The following FREM3 variants were observed in gnomAD, a reference collection of about 807,000 sequenced individuals.
FREM3 encodes FRAS1-related extracellular matrix protein 3.
In FREM3, 105 loss-of-function variants were observed where a neutral mutation model predicts 129.1. The ratio of observed to expected loss-of-function variants is 0.81; its 90% CI spans 0.69 to 0.96. The LOEUF is 0.96. Ranked by LOEUF, FREM3 falls within the 40% of genes least tolerant of loss-of-function variation. The pLI is 0.00. For missense variants in FREM3, 2,593 were observed against 2,666.3 expected (o/e 0.97, Z 0.61); for synonymous variants, 1,014 against 1,044.9 (o/e 0.97, Z 0.57).
intron 2 of FREM3, among the ~76,000 whole-genome samples, chr4:143,675,169 A>G (rs1034008064): frequency 1.3e-5 from 2 of 152,230 alleles, no homozygotes; most frequent in African/African-American, 2.4e-5. Flanking sequence ...ATATAAAAGA[A>G]CAGAAATTAT....
In FREM3 at chr4:143,695,567, T is replaced by A; in HGVS notation, c.5109A>T (p.Lys1703Asn). ...QDSPHRLLKY[K>N]VTRGPEHGFI... ...AGCCATGCTCTGGTCCTCTGGTCAC[T>A]TTATACTTCAGAAGCCTGTGGGGAC... Residue 1703 changes from lysine (K) to asparagine (N), a missense_variant, in exon 1 of 8, where the codon AAA becomes AAT. Transcript: ENST00000329798. The A allele has an allele frequency of 6.5e-7, 1 of 1,537,370 alleles. No homozygotes were observed. Among genetic ancestry groups the A allele is most frequent in the Non-Finnish European group, 8.7e-7 (1 of 1,146,934 alleles).
intron 2 of FREM3, among the ~76,000 whole-genome samples, chr4:143,656,310 A>G (rs1739599927): frequency 6.6e-6 from 1 of 152,242 alleles, no homozygotes; most frequent in Admixed American, 6.5e-5. Flanking sequence ...TGGACACTCA[A>G]GAGAAATTCC....
At chr4:143,687,952 C>T (rs1395370411) in intron 2 of FREM3, among the ~76,000 whole-genome samples, 6 of 152,112 alleles carry the variant, frequency 3.9e-5, no homozygotes, top group African/African-American at 1.2e-4. Flanking sequence ...AGAACTGGAA[C>T]AAGACAAGGA....
At chr4:143,640,572 A>G (rs1219788791) in intron 2 of FREM3, among the ~76,000 whole-genome samples, 1 of 152,222 alleles carries the variant, frequency 6.6e-6, no homozygotes, top group African/African-American at 2.4e-5. Flanking sequence ...CAGGAGGTTG[A>G]GGCAGGAGAA....
At chr4:143,680,540 ATTCT>A (rs1358004549) in intron 2 of FREM3, among the ~76,000 whole-genome samples, 2 of 152,050 alleles carry the variant, frequency 1.3e-5, no homozygotes, top group Non-Finnish European at 2.9e-5. Flanking sequence ...TGCTTCTTGA[ATTCT>A]TTATCTGCTA....
Position 143,699,138 on chromosome 4 carries a change from T to G in FREM3, c.1538A>C (p.Tyr513Ser). ...VVYQHDGSNT[Y>S]SDNIIFRMED... Reference sequence around the variant, plus strand: ...CATCCGGAAGATGATATTGTCACTGTAGGTGTTGCTGCCATCATGCTGATA... The same window carrying G: ...CATCCGGAAGATGATATTGTCACTGGAGGTGTTGCTGCCATCATGCTGATA... Residue 513 changes from tyrosine (Y) to serine (S), a missense_variant, in exon 1 of 8, where the codon TAC (tyrosine) becomes TCC (serine). Tyr to Ser is a moderately radical substitution (Grantham distance 144). Transcript: ENST00000329798. This position sits in a 1 kb window ranked among gnomAD's most constrained non-coding sequence, Gnocchi z 4.2. 1 of 1,537,406 alleles carries G rather than the reference T, an allele frequency of 6.5e-7. No individual in the cohort carries two copies. Among genetic ancestry groups the G allele is most frequent in the African/African-American group, 1.4e-5 (1 of 73,148 alleles).
intron 2 of FREM3, among the ~76,000 whole-genome samples, chr4:143,647,646 C>A (rs986505803): frequency 1.1e-4 from 17 of 152,280 alleles, no homozygotes; most frequent in African/African-American, 3.8e-4. Context: ...AAGCCCTAAG[C>A]CTTGGTGGCT....
intron 2 of FREM3, among the ~76,000 whole-genome samples, chr4:143,641,648 A>G (rs1020742231): frequency 6.6e-6 from 1 of 152,220 alleles, no homozygotes; most frequent in Non-Finnish European, 1.5e-5. Flanking sequence ...GCCAACACTT[A>G]TCAGGCTAAG....
chr4:143,623,192 G>A (rs1738984628), intron 4 of FREM3, among the ~76,000 whole-genome samples: 1 of 152,202 alleles, frequency 6.6e-6, no homozygotes, highest in South Asian at 2.1e-4. Context: ...TTATAGGAGA[G>A]TTTCTCAGAA....
At chr4:143,659,985 C>T (rs1429776556) in intron 2 of FREM3, among the ~76,000 whole-genome samples, 2 of 149,804 alleles carry the variant, frequency 1.3e-5, no homozygotes, top group African/African-American at 2.5e-5. Flanking sequence ...GATATTAGCC[C>T]TTTGTCAGAT....
chr4:143,685,781 G>T (rs189205916), intron 2 of FREM3, among the ~76,000 whole-genome samples: 18 of 151,982 alleles, frequency 1.2e-4, no homozygotes, highest in African/African-American at 4.3e-4. Flanking sequence ...AACACAGCAT[G>T]TTCTCACTCA....
At chr4:143,607,497 T>A (rs1738687803) in intron 6 of FREM3, among the ~76,000 whole-genome samples, 1 of 152,166 alleles carries the variant, frequency 6.6e-6, no homozygotes, top group African/African-American at 2.4e-5. Flanking sequence ...TTCACAGTGT[T>A]ACTAGAAGAG....
chr4:143,663,904 C>G (rs1011452923), intron 2 of FREM3, among the ~76,000 whole-genome samples: 2 of 152,118 alleles, frequency 1.3e-5, no homozygotes, highest in African/African-American at 2.4e-5. Context: ...GCATTCTTCA[C>G]GTAGTTCTCG....
intron 2 of FREM3, among the ~76,000 whole-genome samples, chr4:143,645,830 C>T (rs141283672): frequency 2.8e-4 from 42 of 152,218 alleles, no homozygotes; most frequent in African/African-American, 7.9e-4. Flanking sequence ...TGATATTCAC[C>T]GCTTGCCTTT....
chr4:143,673,498 C>T (rs918142767), intron 2 of FREM3, among the ~76,000 whole-genome samples: 1 of 152,170 alleles, frequency 6.6e-6, no homozygotes, highest in African/African-American at 2.4e-5. Context: ...GTCAGTCTGC[C>T]CCTACTGGGG....
intron 2 of FREM3, among the ~76,000 whole-genome samples, chr4:143,674,184 C>CACCCATCTTCTGCAGAAACT (rs1289428199): frequency 6.6e-6 from 1 of 151,744 alleles, no homozygotes; most frequent in East Asian, 1.9e-4. Context: ...CTGCAGAAAT[C>CACCCATCTTCTGCAGAAACT]ACCCATCTTC....
In FREM3 at chr4:143,696,240, G is replaced by A; in HGVS notation, c.4436C>T (p.Ala1479Val). 6.5e-7 allele frequency: 1 copy of A among 1,537,864 alleles called. No homozygotes were observed. The highest frequency in any genetic ancestry group is 2.4e-5 in the East Asian group (1 of 40,900). The change falls in exon 1 of 8, where the codon GCT becomes GTT. Residue 1479 changes from alanine (A) to valine (V), a missense_variant. Physicochemically the swap from Ala to Val is moderately conservative, Grantham distance 64. Transcript: ENST00000329798. The part of the protein sequence containing the change: ...SLGHLESSDY[A>V]GEPIASFTQL... ...AGTGAAAGAGGCAATGGGTTCCCCA[G>A]CATAGTCAGAACTTTCTAAGTGACC...
At chr4:143,616,205 A>G (rs6810544) in intron 5 of FREM3, among the ~76,000 whole-genome samples, 17,096 of 152,214 alleles carry the variant, frequency 0.11, 2,865 homozygotes, top group African/African-American at 0.37. Context: ...GAGAATTACT[A>G]CCAACCTAGA....
In FREM3 at chr4:143,639,887, C is replaced by A. The variant is rs1315269616; in HGVS notation, c.5276-12127G>T. On this transcript the variant is annotated intron_variant, in intron 2 of 7. Transcript: ENST00000329798. ...GAGTACCTGCAGTTTAGTAACTGTG[C>A]CTTTCTTGAGGTCACAGTGCTAGTA... is the stretch of plus-strand genomic sequence containing the variant. Among the ~76,000 whole-genome samples, 8 of 152,096 alleles carry A rather than the reference C, an allele frequency of 5.3e-5. No homozygotes were observed. The South Asian group carries it at 8.3e-4, about 16-fold the overall frequency.
Sources: gnomAD v4.1 joint callset for allele counts (sites outside exome capture counted in the v4.1 genomes callset) on GRCh38, gnomAD v4.1.1 for gene constraint, Gnocchi (gnomAD v3.1) non-coding constraint, MANE v1.5 for transcripts, NCBI Gene and HGNC (gene_info 2026-07-23, HGNC 2026-07-21) for gene names.